CTTNBP2: variants seen among roughly 807,000 people sequenced by gnomAD.
CTTNBP2 encodes the protein cortactin-binding protein 2.
In CTTNBP2, 108 loss-of-function variants were observed where a neutral mutation model predicts 156.9. That is an observed-to-expected ratio of 0.69 (90% CI 0.59 to 0.81). The LOEUF (loss-of-function observed/expected upper bound fraction) is 0.81, where lower values mean the gene tolerates loss of function less well. Among genes scored for constraint, CTTNBP2 ranks in the 30% least tolerant of loss-of-function variants. The probability of loss-of-function intolerance (pLI) is 0.00; values close to 1 mark genes in which losing one functional copy is unlikely to be tolerated. For synonymous variants in CTTNBP2, 767 were observed against 751.8 expected (o/e 1.02, Z -0.33); for missense variants, 1,924 against 2,035.4 (o/e 0.95, Z 1.05).
intron 7 of CTTNBP2, among the ~76,000 whole-genome samples, chr7:117,780,226 T>C (rs1029093798): frequency 6.6e-6 from 1 of 152,238 alleles, no homozygotes; most frequent in African/African-American, 2.4e-5. Flanking sequence ...CAGATTAATC[T>C]GAGGCTCAGA....
At chr7:117,796,165 T>C (rs1410651179) in intron 3 of CTTNBP2, among the ~76,000 whole-genome samples, 1 of 152,234 alleles carries the variant, frequency 6.6e-6, no homozygotes, top group East Asian at 1.9e-4. Context: ...GGTTTCCATC[T>C]GCTCAGTGTT....
chr7:117,788,680 C>G (rs1798832770), intron 4 of CTTNBP2, among the ~76,000 whole-genome samples: 1 of 152,160 alleles, frequency 6.6e-6, no homozygotes, highest in Admixed American at 6.5e-5. Context: ...TTGGAAAGAT[C>G]AGCTGAACTA....
chr7:117,739,391 T>C (rs1383067891), intron 14 of CTTNBP2, among the ~76,000 whole-genome samples: 1 of 152,162 alleles, frequency 6.6e-6, no homozygotes, highest in African/African-American at 2.4e-5. Flanking sequence ...TTGAATTCCC[T>C]TTGCTCTGTG....
intron 3 of CTTNBP2, among the ~76,000 whole-genome samples, chr7:117,797,824 G>A (rs995762403): frequency 6.6e-6 from 1 of 152,082 alleles, no homozygotes; most frequent in Non-Finnish European, 1.5e-5. Flanking sequence ...ATACAAACTG[G>A]TTTAAATTCC....
chr7:117,734,486 A>T (rs1480750765), intron 16 of CTTNBP2, among the ~76,000 whole-genome samples: 2 of 152,214 alleles, frequency 1.3e-5, no homozygotes, highest in Admixed American at 1.3e-4. Flanking sequence ...TACTCTTGAA[A>T]ATGTGTCAAA....
chr7:117,765,512 C>T (rs1797438433), intron 9 of CTTNBP2, among the ~76,000 whole-genome samples: 1 of 152,132 alleles, frequency 6.6e-6, no homozygotes, highest in Admixed American at 6.6e-5. Context: ...GATGCCCTTT[C>T]CCTTAAATCA....
At chr7:117,830,979 T>C (rs1801570002) in intron 2 of CTTNBP2, among the ~76,000 whole-genome samples, 1 of 152,212 alleles carries the variant, frequency 6.6e-6, no homozygotes, top group Admixed American at 6.5e-5. Context: ...TTTTTAATTT[T>C]TTTGTTTCTT....
At position 117,724,021 on chromosome 7, in the gene CTTNBP2, T is replaced by C. The variant is rs80035620; in HGVS notation, c.4447+526A>G. 2.0e-5 allele frequency among the ~76,000 whole-genome samples: 3 copies of C among 152,092 alleles called. 1 individual carries two copies. The South Asian group carries it at 6.2e-4, about 32-fold the overall frequency. On this transcript the variant is annotated intron_variant, in intron 19 of 22. Coordinates refer to ENST00000160373, the MANE Select transcript of CTTNBP2 (RefSeq NM_033427.3). ...CTGGGATTACAGGTATGAGCCACCA[T>C]GCCTGGCCGGAATATATATATTTTT...
intron 16 of CTTNBP2, among the ~76,000 whole-genome samples, chr7:117,729,940 A>G (rs1180457648): frequency 6.6e-6 from 1 of 152,154 alleles, no homozygotes; most frequent in Admixed American, 6.5e-5. Context: ...GGAAGAGGGA[A>G]GGAACTGTGG....
rs770612167 is a variant in CTTNBP2 at position 117,734,926 on chromosome 7, T to C, written c.3863A>G (p.Lys1288Arg). The C allele has an allele frequency of 1.3e-6, 2 of 1,593,420 alleles. No homozygotes were observed. The highest frequency in any genetic ancestry group is 1.7e-6 in the Non-Finnish European group (2 of 1,166,032). The change falls in exon 16 of 23, where the codon AAA becomes AGA. Residue 1288 changes from lysine to arginine, a missense_variant. Lys to Arg is a conservative substitution (Grantham distance 26). Coordinates refer to ENST00000160373, the MANE Select transcript of CTTNBP2 (RefSeq NM_033427.3). The stretch of plus-strand genomic sequence containing the variant: ...GCTGTTTGTTACCTTATTCACAACT[T>C]TCCTTCGTAAGAACCTCTGCAGCAG... Reference protein sequence around the residue: ...QGLLQRFLRRKVVNKFKGQAP... With the variant: ...QGLLQRFLRRRVVNKFKGQAP...
At chr7:117,757,528 TAAAAAAA>T (rs56687697) in intron 11 of CTTNBP2, among the ~76,000 whole-genome samples, 27 of 91,442 alleles carry the variant, frequency 3.0e-4, no homozygotes, top group African/African-American at 8.3e-4. Context: ...TTAAGCACAG[TAAAAAAA>T]AAAAAAAAAA....
In CTTNBP2 at chr7:117,711,464, G is replaced by T. The variant is rs1431355363; in HGVS notation, c.*73C>A. The T allele has an allele frequency of 1.5e-5, 22 of 1,445,664 alleles. No homozygotes were observed. The highest frequency in any genetic ancestry group is 1.9e-5 in the Non-Finnish European group (20 of 1,065,798). 89.6% of individuals were successfully genotyped at this position (1,445,664 alleles called of 1,614,324 possible). A position where few individuals can be genotyped will look rare whatever the true frequency, so the allele number is the denominator to read the frequency against. On this transcript the variant is annotated 3_prime_UTR_variant, in exon 23 of 23. Coordinates refer to ENST00000160373, the MANE Select transcript of CTTNBP2 (RefSeq NM_033427.3). ...GTGAAAACATTTTATCAATTTAAAG[G>T]TATTTGTATCTTGTTGTCCTTGGTT... is the stretch of plus-strand genomic sequence containing the variant.
At position 117,711,796 on chromosome 7, in the gene CTTNBP2, G is replaced by A. The variant is rs558730391; in HGVS notation, c.4747-14C>T. The A allele has an allele frequency of 6.3e-7, 1 of 1,599,920 alleles. No homozygotes were observed. Among genetic ancestry groups the A allele is most frequent in the Non-Finnish European group, 8.5e-7 (1 of 1,171,986 alleles). ...AGGACTGACCTCCTGTAAGAGACAAGAAACCACACAAGTTTATCACAAACT... is the reference window on the plus strand; with the variant it reads ...AGGACTGACCTCCTGTAAGAGACAAAAAACCACACAAGTTTATCACAAACT... On this transcript the variant is annotated splice_polypyrimidine_tract_variant and intron_variant, in intron 22 of 22. Transcript: ENST00000160373.
intron 4 of CTTNBP2, 76 bp downstream of exon 4, chr7:117,791,052 A>G: frequency 1.6e-6 from 2 of 1,235,488 alleles, no homozygotes; most frequent in Admixed American, 4.5e-5. Context: ...GTTTCAAGGC[A>G]ATGTGAAGAA....
chr7:117,853,438 C>T (rs180734811), intron 2 of CTTNBP2, among the ~76,000 whole-genome samples: 83 of 152,230 alleles, frequency 5.5e-4, no homozygotes, highest in African/African-American at 1.8e-3. Flanking sequence ...GCATTAGACC[C>T]TTGTTTCCTC....
At chr7:117,738,954 G>A (rs1432551616) in intron 14 of CTTNBP2, among the ~76,000 whole-genome samples, 1 of 152,268 alleles carries the variant, frequency 6.6e-6, no homozygotes, top group African/African-American at 2.4e-5. Flanking sequence ...AAAGGGGGAA[G>A]GGCTGCTATA....
intron 2 of CTTNBP2, among the ~76,000 whole-genome samples, chr7:117,851,488 ATTCT>A (rs1802926229): frequency 6.6e-6 from 1 of 152,124 alleles, no homozygotes; most frequent in Admixed American, 6.6e-5. Flanking sequence ...GCTTCCTCAG[ATTCT>A]TTCTTTCCCT....
chr7:117,773,096 T>G (rs1453506616), intron 8 of CTTNBP2, among the ~76,000 whole-genome samples: 2 of 152,258 alleles, frequency 1.3e-5, no homozygotes, highest in African/African-American at 4.8e-5. Context: ...CTATTTATCA[T>G]GATAAAAATC....
intron 14 of CTTNBP2, among the ~76,000 whole-genome samples, chr7:117,738,742 T>C (rs1584924834): frequency 6.6e-6 from 1 of 152,220 alleles, no homozygotes; most frequent in Middle Eastern, 3.4e-3. Context: ...ATTGCTTCTC[T>C]GATGTGCAGC....
Sources: allele counts gnomAD v4.1 joint callset (sites outside exome capture counted in the v4.1 genomes callset), GRCh38; gene constraint gnomAD v4.1.1; transcripts MANE v1.5; gene names NCBI Gene and HGNC (gene_info 2026-07-23, HGNC 2026-07-21).